Variants in TMEM132B observed in about 807,000 individuals in gnomAD.
The protein encoded by TMEM132B is transmembrane protein 132B.
A neutral mutation model predicts 90.8 loss-of-function variants in TMEM132B; 18 were observed. That is an observed-to-expected ratio of 0.20 (90% confidence interval 0.14 to 0.29). TMEM132B has a LOEUF of 0.29. Among genes scored for constraint, TMEM132B ranks in the 10% least tolerant of loss-of-function variants. The pLI is 1.00. For missense variants in TMEM132B, 1,096 were observed against 1,326.8 expected (o/e 0.83, Z 2.70); for synonymous variants, 504 against 523.3 (o/e 0.96, Z 0.50).
intron 2 of TMEM132B, among the ~76,000 whole-genome samples, chr12:125,368,165 A>G (rs1260091292): frequency 6.6e-6 from 1 of 152,036 alleles, no homozygotes; most frequent in Non-Finnish European, 1.5e-5. Context: ...TTTGATATCT[A>G]TATATGTTTT....
At chr12:125,299,257 C>T (rs912233961) in intron 1 of TMEM132B, among the ~76,000 whole-genome samples, 3 of 152,194 alleles carry the variant, frequency 2.0e-5, no homozygotes, top group African/African-American at 7.2e-5. Flanking sequence ...CACTGTCTCT[C>T]CAACACTCGG....
intron 1 of TMEM132B, among the ~76,000 whole-genome samples, chr12:125,189,005 C>T: frequency 6.6e-6 from 1 of 152,278 alleles, no homozygotes; most frequent in Middle Eastern, 3.4e-3. Flanking sequence ...TACCGACCCC[C>T]TTTGGCTGAG....
At chr12:125,316,699 C>T (rs1369627347) in intron 1 of TMEM132B, among the ~76,000 whole-genome samples, 2 of 151,814 alleles carry the variant, frequency 1.3e-5, no homozygotes, top group Non-Finnish European at 2.9e-5. Flanking sequence ...GCAGGAAGTG[C>T]AAATGTCCTG....
intron 6 of TMEM132B, among the ~76,000 whole-genome samples, chr12:125,645,309 T>C (rs760201993): frequency 6.6e-6 from 1 of 152,126 alleles, no homozygotes; most frequent in Middle Eastern, 3.4e-3. Context: ...GGGAGGGGAT[T>C]TTACAGATGT....
chr12:125,607,506 G>C (rs1322962627), intron 5 of TMEM132B, among the ~76,000 whole-genome samples: 1 of 152,178 alleles, frequency 6.6e-6, no homozygotes, highest in Non-Finnish European at 1.5e-5. Context: ...TAAAATACCT[G>C]AAGTTAGGGT....
At chr12:125,619,575 G>A (rs142682226) in intron 5 of TMEM132B, among the ~76,000 whole-genome samples, 1,978 of 151,986 alleles carry the variant, frequency 0.013, 33 homozygotes, top group African/African-American at 0.043. Flanking sequence ...ATGTTAGCCC[G>A]GCTGGTCTTG....
chr12:125,271,170 T>C (rs1284634747), intron 1 of TMEM132B, among the ~76,000 whole-genome samples: 1 of 152,162 alleles, frequency 6.6e-6, no homozygotes, highest in Non-Finnish European at 1.5e-5. Flanking sequence ...AGACTCACTA[T>C]GTCGCCTACG....
intron 1 of TMEM132B, among the ~76,000 whole-genome samples, chr12:125,201,319 C>T (rs1487691036): frequency 6.6e-6 from 1 of 152,240 alleles, no homozygotes; most frequent in African/African-American, 2.4e-5. Context: ...CTAAATTCTG[C>T]TTCTCTCACA....
chr12:125,628,864 T>C (rs1227316360), intron 5 of TMEM132B, among the ~76,000 whole-genome samples: 1 of 152,208 alleles, frequency 6.6e-6, no homozygotes, highest in African/African-American at 2.4e-5. Flanking sequence ...TTTCTCTACA[T>C]ATGGATATCC....
At chr12:125,211,606 A>G (rs1873319060) in intron 1 of TMEM132B, among the ~76,000 whole-genome samples, 1 of 152,202 alleles carries the variant, frequency 6.6e-6, no homozygotes, top group Non-Finnish European at 1.5e-5. Flanking sequence ...GTGGGAAACC[A>G]GGGGATCCAA....
chr12:125,431,963 T>A (rs1050743029), intron 3 of TMEM132B, among the ~76,000 whole-genome samples: 2 of 152,138 alleles, frequency 1.3e-5, no homozygotes, highest in African/African-American at 2.4e-5. Context: ...TTTCTCTGGC[T>A]CTCGCTTTTG....
intron 4 of TMEM132B, among the ~76,000 whole-genome samples, chr12:125,549,546 T>C (rs1884169034): frequency 6.6e-6 from 1 of 152,218 alleles, no homozygotes; most frequent in African/African-American, 2.4e-5. Context: ...TTTTATAATC[T>C]TTCAGGCTTA....
chr12:125,516,065 TCA>T (rs776863252), intron 3 of TMEM132B, among the ~76,000 whole-genome samples: 5 of 151,366 alleles, frequency 3.3e-5, no homozygotes, highest in East Asian at 2.0e-4. Flanking sequence ...TCACATATAC[TCA>T]CACACACTCT....
At chr12:125,468,782 A>T (rs1270559773) in intron 3 of TMEM132B, among the ~76,000 whole-genome samples, 6 of 152,162 alleles carry the variant, frequency 3.9e-5, no homozygotes, top group Admixed American at 3.3e-4. Flanking sequence ...AATGGTTTTA[A>T]AAAAAATTTT....
intron 1 of TMEM132B, chr12:125,326,604 A>G (rs1336989576): frequency 1.2e-6 from 2 of 1,602,664 alleles, no homozygotes; most frequent in Admixed American, 3.5e-5. Flanking sequence ...CCCTCGCCTC[A>G]GCTCCAGACT....
chr12:125,596,907 G>A (rs1885452758), intron 5 of TMEM132B, among the ~76,000 whole-genome samples: 1 of 152,210 alleles, frequency 6.6e-6, no homozygotes, highest in South Asian at 2.1e-4. Flanking sequence ...TATGTGCTGA[G>A]ACATCTATGT....
At position 125,526,054 on chromosome 12, in the gene TMEM132B, G is replaced by A. The variant is rs1883447735; in HGVS notation, c.1293+6429G>A. Among the ~76,000 whole-genome samples, 3 of 152,144 alleles carry A rather than the reference G, an allele frequency of 2.0e-5. No homozygotes were observed. In the South Asian group the frequency reaches 6.2e-4, roughly 32 times the overall value. On this transcript the variant is annotated intron_variant, in intron 4 of 8. Coordinates refer to ENST00000682704, the MANE Select transcript of TMEM132B (RefSeq NM_001366854.1). ...GGAGTGGGAGGTGTCACTGTGAGAG[G>A]AGCTGCACACACTCTGGGATGGCAG... is the stretch of plus-strand genomic sequence containing the variant.
At chr12:125,617,321 T>C (rs1886010927) in intron 5 of TMEM132B, among the ~76,000 whole-genome samples, 1 of 151,988 alleles carries the variant, frequency 6.6e-6, no homozygotes, top group Non-Finnish European at 1.5e-5. Context: ...TGACAGTGAC[T>C]TTAGTAGGGC....
intron 4 of TMEM132B, among the ~76,000 whole-genome samples, chr12:125,567,550 C>T (rs928682446): frequency 2.6e-5 from 4 of 152,186 alleles, no homozygotes; most frequent in Non-Finnish European, 5.9e-5. Flanking sequence ...TCACTGCAGT[C>T]ACCAAGGCAC....
Sources: gnomAD v4.1 joint callset for allele counts (sites outside exome capture counted in the v4.1 genomes callset) on GRCh38, gnomAD v4.1.1 for gene constraint, MANE v1.5 for transcripts, NCBI Gene and HGNC (gene_info 2026-07-23, HGNC 2026-07-21) for gene names.